Variants in CEP63 observed in about 807,000 individuals in gnomAD.
CEP63 encodes centrosomal protein of 63 kDa.
A neutral mutation model predicts 89.1 loss-of-function variants in CEP63; 84 were observed. The observed-to-expected ratio is 0.94, with a 90% CI of 0.79 to 1.13. CEP63 has a LOEUF of 1.13. Among genes scored for constraint, CEP63 ranks in the 50% most tolerant of loss-of-function variants. The probability of loss-of-function intolerance (pLI) is 0.00; values close to 1 mark genes in which losing one functional copy is unlikely to be tolerated. For missense variants in CEP63, 838 were observed against 813.3 expected, an observed-to-expected ratio of 1.03 and a Z score of -0.37; for synonymous variants, 267 against 272.5, an observed-to-expected ratio of 0.98 and a Z score of 0.20.
Position 134,531,857 on chromosome 3 carries a change from C to A in CEP63, c.235C>A (p.His79Asn), listed in dbSNP as rs866156144. Residue 79 changes from histidine (H) to asparagine (N), a missense_variant, in exon 4 of 15, where the codon CAT (histidine) becomes AAT (asparagine). By Grantham distance (68) the His-to-Asn change is moderately conservative. Coordinates refer to ENST00000675561, the MANE Select transcript of CEP63 (RefSeq NM_001353108.3). Reference sequence around the variant, plus strand: ...TTTCTGCTTTTAGGTTGGAATGTTGCATCAGCAGGTAGAAGAACATGAAAA... The same window carrying A: ...TTTCTGCTTTTAGGTTGGAATGTTGAATCAGCAGGTAGAAGAACATGAAAA... ...DVTHKEVGML[H>N]QQVEEHEKIK... 3 of 1,612,900 alleles carry A rather than the reference C, an allele frequency of 1.9e-6. No homozygotes were observed. Among genetic ancestry groups the A allele is most frequent in the Non-Finnish European group, 2.5e-6 (3 of 1,179,134 alleles).
At chr3:134,620,527 G>A in the CEP63 span, among the ~76,000 whole-genome samples, 442 of 152,298 alleles carry the variant, frequency 2.9e-3, 2 homozygotes, top group African/African-American at 9.9e-3. Context: ...ATGGGCAGAA[G>A]GCTGCAAGGG....
rs1396045808 is a variant in CEP63 at position 134,572,173 on chromosome 3, C to A, written c.1330-2620C>A. Among the ~76,000 whole-genome samples the A allele has an allele frequency of 1.3e-5, 2 of 152,120 alleles. 1 individual carries two copies. Among genetic ancestry groups the A allele is most frequent in the African/African-American group, 4.8e-5 (2 of 41,416 alleles). On this transcript the variant is annotated intron_variant, in intron 11 of 11. Transcript: ENST00000354446. Reference sequence around the variant, plus strand: ...CATGCCTGGTCATGTTGGTTCCCTGCGAACATTCACTTGTTTACAGGAGGC... The same window carrying A: ...CATGCCTGGTCATGTTGGTTCCCTGAGAACATTCACTTGTTTACAGGAGGC...
At chr3:134,500,063 T>G (rs995426911) in intron 2 of CEP63, among the ~76,000 whole-genome samples, 3 of 152,062 alleles carry the variant, frequency 2.0e-5, no homozygotes, top group African/African-American at 7.2e-5. Flanking sequence ...TGATCTCAAG[T>G]GATCCCCCCG....
rs1957376245 is a variant in CEP63, at chr3:134,561,835, C to G, written c.*300C>G. 3 of 1,143,972 alleles carry G rather than the reference C, an allele frequency of 2.6e-6. No individual in the cohort carries two copies. Among genetic ancestry groups the G allele is most frequent in the Non-Finnish European group, 3.2e-6 (3 of 926,208 alleles). The allele number at this position is 1,143,972 out of a possible 1,614,324, so 70.9% of individuals were successfully genotyped here. On this transcript the variant is annotated 3_prime_UTR_variant, in exon 15 of 15. Coordinates refer to ENST00000675561, the MANE Select transcript of CEP63 (RefSeq NM_001353108.3). ...ACCTTGCTGACTTAAATGTGAATAG[C>G]TATGTACTAATTGAAATAAGGATTT...
At chr3:134,511,737 A>G (rs1944998372) in intron 3 of CEP63, among the ~76,000 whole-genome samples, 2 of 152,160 alleles carry the variant, frequency 1.3e-5, no homozygotes, top group South Asian at 2.1e-4. Flanking sequence ...GAAGTGCTAC[A>G]TACCTTTAAA....
the CEP63 span, among the ~76,000 whole-genome samples, chr3:134,757,572 A>G: frequency 6.6e-6 from 1 of 152,254 alleles, no homozygotes; most frequent in Non-Finnish European, 1.5e-5. Flanking sequence ...GAATTACTCC[A>G]AAATTTTCCA....
At chr3:134,772,376 G>A in the CEP63 span, among the ~76,000 whole-genome samples, 1 of 152,186 alleles carries the variant, frequency 6.6e-6, no homozygotes, top group Non-Finnish European at 1.5e-5. Context: ...GCCATAATGG[G>A]AGACTATAAT....
the CEP63 span, chr3:134,651,158 G>A: frequency 1.4e-6 from 2 of 1,441,918 alleles, no homozygotes; most frequent in Non-Finnish European, 1.8e-6. Flanking sequence ...CTGGGAGGGC[G>A]CTACCCTAAT....
intron 6 of CEP63, among the ~76,000 whole-genome samples, chr3:134,543,649 C>T (rs1952538886): frequency 6.6e-6 from 1 of 152,092 alleles, no homozygotes; most frequent in South Asian, 2.1e-4. Context: ...TAGTGTTTTG[C>T]AATTATGTAT....
At chr3:134,487,022 C>T (rs968400027) in intron 1 of CEP63, among the ~76,000 whole-genome samples, 8 of 152,168 alleles carry the variant, frequency 5.3e-5, no homozygotes, top group African/African-American at 1.9e-4. Flanking sequence ...AGTTTCAGCA[C>T]CGTACGCTGA....
chr3:134,710,505 A>C, the CEP63 span, among the ~76,000 whole-genome samples: 2 of 152,256 alleles, frequency 1.3e-5, no homozygotes, highest in African/African-American at 4.8e-5. Context: ...ATGTTTTTAC[A>C]GAAATAACAC....
At chr3:134,510,674 A>G (rs891540711) in intron 3 of CEP63, 8 of 607,822 alleles carry the variant, frequency 1.3e-5, no homozygotes, top group Non-Finnish European at 2.5e-5. Flanking sequence ...TCTGGAGCCC[A>G]GGCTTGTCTA....
chr3:134,609,096 A>G, the CEP63 span, among the ~76,000 whole-genome samples: 1 of 152,154 alleles, frequency 6.6e-6, no homozygotes, highest in African/African-American at 2.4e-5. Flanking sequence ...TCGAGGGGAA[A>G]ACTGACTGCC....
At chr3:134,601,355 G>A in the CEP63 span, among the ~76,000 whole-genome samples, 1 of 152,142 alleles carries the variant, frequency 6.6e-6, no homozygotes. Context: ...GGCATTCTCT[G>A]CAATGCTCCA....
the CEP63 span, among the ~76,000 whole-genome samples, chr3:134,753,540 G>A: frequency 2.6e-5 from 4 of 152,184 alleles, no homozygotes; most frequent in African/African-American, 7.2e-5. Context: ...CAGGGCCAGG[G>A]CCCATCACCT....
At chr3:134,534,981 G>A (rs1950507975) in intron 5 of CEP63, among the ~76,000 whole-genome samples, 1 of 151,934 alleles carries the variant, frequency 6.6e-6, no homozygotes, top group African/African-American at 2.4e-5. Flanking sequence ...GAGGAACTAC[G>A]CATGCCCTCC....
chr3:134,592,469 G>GGTTGTGTGT (rs1958615899), downstream of CEP63, among the ~76,000 whole-genome samples: 1 of 125,108 alleles, frequency 8.0e-6, no homozygotes, highest in Non-Finnish European at 1.6e-5. Context: ...TCTGCAAACT[G>GGTTGTGTGT]GTGTGTGTGT....
At chr3:134,739,240 G>A in the CEP63 span, among the ~76,000 whole-genome samples, 1 of 152,138 alleles carries the variant, frequency 6.6e-6, no homozygotes, top group Admixed American at 6.6e-5. Flanking sequence ...ACAACCCAAA[G>A]TCCATCAATT....
chr3:134,778,851 C>A, the CEP63 span, among the ~76,000 whole-genome samples: 1 of 152,136 alleles, frequency 6.6e-6, no homozygotes, highest in Non-Finnish European at 1.5e-5. Flanking sequence ...TGAGCCACCG[C>A]GCGGCCATTT....
Sources: gnomAD v4.1 joint callset for allele counts (sites outside exome capture counted in the v4.1 genomes callset) on GRCh38, gnomAD v4.1.1 for gene constraint, MANE v1.5 for transcripts, NCBI Gene and HGNC (gene_info 2026-07-23, HGNC 2026-07-21) for gene names.